Variants in OTOF observed in about 807,000 individuals in gnomAD.
OTOF encodes the protein fer-1-like family member 2.
In OTOF, 218 loss-of-function variants were observed where a neutral mutation model predicts 236.8. The ratio of observed to expected loss-of-function variants is 0.92; its 90% CI spans 0.82 to 1.03. The LOEUF (loss-of-function observed/expected upper bound fraction) is 1.03, where lower values mean the gene tolerates loss of function less well. OTOF is among the 50% of genes least tolerant of loss of function. The pLI, the probability that OTOF is intolerant of heterozygous loss-of-function variation, is 0.00. For missense variants in OTOF, 2,590 were observed against 2,694.4 expected (o/e 0.96, Z 0.86); for synonymous variants, 1,041 against 1,072.5 (o/e 0.97, Z 0.57).
intron 8 of OTOF, 60 bp from the exon 9 acceptor site, chr2:26,495,133 C>A (rs568540284): frequency 2.5e-6 from 4 of 1,601,784 alleles, no homozygotes; most frequent in Non-Finnish European, 3.4e-6. Flanking sequence ...AGCCTGGTCC[C>A]GCAGGGGTCC....
intron 4 of OTOF, 146 bp downstream of exon 4, chr2:26,518,864 A>C: frequency 1.4e-6 from 1 of 704,002 alleles, no homozygotes; most frequent in Non-Finnish European, 2.6e-6. Flanking sequence ...CCATTCCAGC[A>C]GAGTCTGACC....
Position 26,519,115 on chromosome 2 carries a change from G to A in OTOF, c.228-6C>T, listed in dbSNP as rs773578110. On this transcript the variant is annotated splice_region_variant and splice_polypyrimidine_tract_variant and intron_variant, in intron 3 of 46. Coordinates refer to ENST00000272371, the MANE Select transcript of OTOF (RefSeq NM_194248.3). ...TGCGGAAGGTCCCGATGAGCCTGGG[G>A]ATGGCAGAGGGGGCACGGTGGTAAC... 3 of 1,578,770 alleles carry A rather than the reference G, an allele frequency of 1.9e-6. No individual in the cohort carries two copies. The highest frequency in any genetic ancestry group is 2.2e-5 in the East Asian group (1 of 44,538).
intron 1 of OTOF, among the ~76,000 whole-genome samples, chr2:26,556,474 G>T (rs1415676793): frequency 1.3e-5 from 2 of 152,112 alleles, no homozygotes; most frequent in African/African-American, 4.8e-5. Context: ...CCCTTCCCCA[G>T]GAGCTCTGCC....
chr2:26,491,321 C>T (rs987727898), intron 9 of OTOF, among the ~76,000 whole-genome samples: 16 of 151,908 alleles, frequency 1.1e-4, no homozygotes, highest in African/African-American at 3.4e-4. Context: ...TGAGGGGTGA[C>T]TGGGGGGAGG....
Position 26,473,734 on chromosome 2 carries a change from G to A in OTOF, c.3409-167C>T, listed in dbSNP as rs1665113344. On this transcript the variant is annotated intron_variant, in intron 27 of 46. Transcript: ENST00000272371. This position sits in a 1 kb window ranked among gnomAD's most constrained non-coding sequence, Gnocchi z 7.2. ...GGCCAGGAGAGCAGAGGAGGGGCAG[G>A]CGTTCTCCAGGGATGAGGGTGGGGC... is the stretch of plus-strand genomic sequence containing the variant. Among the ~76,000 whole-genome samples the A allele has an allele frequency of 6.6e-6, 1 of 152,144 alleles. No homozygotes were observed. The highest frequency in any genetic ancestry group is 1.5e-5 in the Non-Finnish European group (1 of 68,018).
intron 11 of OTOF, among the ~76,000 whole-genome samples, chr2:26,488,397 C>A (rs1665750934): frequency 6.6e-6 from 1 of 152,220 alleles, no homozygotes; most frequent in South Asian, 2.1e-4. Flanking sequence ...TGGTCCCTAA[C>A]CTGCCCACGT....
At position 26,458,069 on chromosome 2, in the gene OTOF, A is replaced by G. The variant is rs1351777706; in HGVS notation, c.*169T>C. On this transcript the variant is annotated 3_prime_UTR_variant, in exon 47 of 47. Transcript: ENST00000272371. ...GCCCCAAGGAGCTTTTTGACCATGTAGCCAGGGAGGCTGTAGAGGAAGAGC... is the reference window on the plus strand; with the variant it reads ...GCCCCAAGGAGCTTTTTGACCATGTGGCCAGGGAGGCTGTAGAGGAAGAGC... 6.2e-7 allele frequency: 1 copy of G among 1,614,064 alleles called. No individual in the cohort carries two copies. Among genetic ancestry groups the G allele is most frequent in the East Asian group, 2.2e-5 (1 of 44,892 alleles).
chr2:26,488,009 G>C (rs1665742385), intron 11 of OTOF, among the ~76,000 whole-genome samples: 1 of 152,198 alleles, frequency 6.6e-6, no homozygotes, highest in Non-Finnish European at 1.5e-5. Context: ...CACAGAGGCT[G>C]GACTAGATGT....
At chr2:26,483,901 C>T (rs1254699697) in intron 12 of OTOF, among the ~76,000 whole-genome samples, 3 of 152,256 alleles carry the variant, frequency 2.0e-5, no homozygotes, top group Non-Finnish European at 4.4e-5. Flanking sequence ...ACATGATCGG[C>T]TCAAGCACGC....
chr2:26,531,015 T>C (rs1356362636), intron 2 of OTOF, among the ~76,000 whole-genome samples: 1 of 152,202 alleles, frequency 6.6e-6, no homozygotes, highest in Non-Finnish European at 1.5e-5. Flanking sequence ...AATTTTCCTC[T>C]CTTTTTATCT....
At position 26,527,913 on chromosome 2, in the gene OTOF, C is replaced by T. The variant is rs111033444; in HGVS notation, c.146G>A (p.Arg49Gln). 1.7e-5 allele frequency: 28 copies of T among 1,613,710 alleles called. No individual in the cohort carries two copies. Among genetic ancestry groups the T allele is most frequent in the East Asian group, 2.2e-5 (1 of 44,884 alleles). ...GTCGATGCTGCTGGCCACCGGCCAC[C>T]GAAATGTCTGGGGAGAGAGGGACAA... ...EDVADFDETF[R>Q]WPVASSIDRN... The change falls in exon 3 of 47, where the codon CGG becomes CAG. Residue 49 changes from arginine to glutamine, a missense_variant. Around this residue, in one of 2 missense-constraint regions of OTOF, gnomAD observed 1,379 missense variants for 1,341.6 expected, o/e 1.03. Transcript: ENST00000272371.
At chr2:26,540,092 CCTAG>C (rs1181292016) in intron 1 of OTOF, among the ~76,000 whole-genome samples, 1 of 152,156 alleles carries the variant, frequency 6.6e-6, no homozygotes, top group Admixed American at 6.5e-5. Flanking sequence ...CGCCACTGTG[CCTAG>C]CTAATTTTTT....
rs1489807848 is a variant in OTOF at position 26,516,432 on chromosome 2, C to T, written c.495G>A (p.Glu165=). The change falls in exon 5 of 47, where the codon GAG becomes GAA. Residue 165 remains glutamate (E), a synonymous_variant. Coordinates refer to ENST00000272371, the MANE Select transcript of OTOF (RefSeq NM_194248.3). ...CTGCCTGTTACCTCCGGAAGCTCTT[C>T]TCTCCTGGGGGCCGGGAGCTGGGCC... The part of the protein sequence containing the change: ...GSRPSSRPPG[E]KSFRRAGRSV... 4 of 1,613,842 alleles carry T rather than the reference C, an allele frequency of 2.5e-6. No individual in the cohort carries two copies. The highest frequency in any genetic ancestry group is 2.7e-5 in the African/African-American group (2 of 74,922).
At chr2:26,530,867 G>T (rs1666930794) in intron 2 of OTOF, among the ~76,000 whole-genome samples, 1 of 152,156 alleles carries the variant, frequency 6.6e-6, no homozygotes, top group Admixed American at 6.5e-5. Flanking sequence ...TGGGGTCCTG[G>T]CATCAGTGTG....
Position 26,538,748 on chromosome 2 carries a change from C to A in OTOF, c.80-974G>T, listed in dbSNP as rs184081192. ...CCAATGACAAAGGCACAGGCTCCCACCCACAGGTAGCTGATGGTCTAGAAG... is the reference window on the plus strand; with the variant it reads ...CCAATGACAAAGGCACAGGCTCCCAACCACAGGTAGCTGATGGTCTAGAAG... On this transcript the variant is annotated intron_variant, in intron 1 of 46. Coordinates refer to ENST00000272371, the MANE Select transcript of OTOF (RefSeq NM_194248.3). Among the ~76,000 whole-genome samples, 3 of 151,982 alleles carry A rather than the reference C, an allele frequency of 2.0e-5. No homozygotes were observed. The East Asian group carries it at 5.8e-4, about 29-fold the overall frequency.
chr2:26,531,446 C>T (rs1666946254), intron 2 of OTOF, among the ~76,000 whole-genome samples: 1 of 152,168 alleles, frequency 6.6e-6, no homozygotes, highest in South Asian at 2.1e-4. Context: ...TGGGATCTCA[C>T]AGGTGACAGC....
chr2:26,491,851 C>G (rs941051526), intron 9 of OTOF, among the ~76,000 whole-genome samples: 49 of 152,374 alleles, frequency 3.2e-4, no homozygotes, highest in African/African-American at 1.0e-3. Context: ...GCTAGCTGAG[C>G]TAGAGCCAGA....
chr2:26,494,826 C>T (rs1411777030), intron 9 of OTOF, 116 bp downstream of exon 9: 10 of 1,227,778 alleles, frequency 8.1e-6, no homozygotes, highest in Non-Finnish European at 1.2e-5. Flanking sequence ...TGGATCACCC[C>T]TGCTGGTAGC....
intron 2 of OTOF, among the ~76,000 whole-genome samples, chr2:26,529,497 G>A (rs1407711518): frequency 2.0e-5 from 3 of 152,232 alleles, no homozygotes; most frequent in Admixed American, 6.5e-5. Context: ...CAAGGAACTC[G>A]GCCTCAGAGC....
Sources: gnomAD v4.1 joint callset for allele counts (sites outside exome capture counted in the v4.1 genomes callset) on GRCh38, gnomAD v4.1.1 for gene constraint, gnomAD v4.1.1 regional missense constraint, Gnocchi (gnomAD v3.1) non-coding constraint, MANE v1.5 for transcripts, NCBI Gene and HGNC (gene_info 2026-07-23, HGNC 2026-07-21) for gene names.